Variants in TCF4 observed in about 807,000 individuals in gnomAD.
The protein encoded by TCF4 is SL3-3 enhancer factor 2.
Under a neutral mutation model 82.1 loss-of-function variants are expected in TCF4, and 3 were observed. The observed-to-expected ratio is 0.04, with a 90% CI of 0.02 to 0.09. The LOEUF is 0.09. TCF4 is among the 10% of genes least tolerant of loss of function. The pLI is 1.00. For missense variants in TCF4, 518 were observed against 852.7 expected, an observed-to-expected ratio of 0.61 and a Z score of 4.89; for synonymous variants, 276 against 309.6, an observed-to-expected ratio of 0.89 and a Z score of 1.14.
intron 5 of TCF4, among the ~76,000 whole-genome samples, chr18:55,455,362 T>A (rs920682822): frequency 1.3e-5 from 2 of 151,708 alleles, no homozygotes; most frequent in African/African-American, 4.8e-5. Flanking sequence ...TGTTAATATT[T>A]CAGGAGGGCA....
chr18:55,232,269 T>G (rs2048133647), intron 17 of TCF4: 1 of 482,386 alleles, frequency 2.1e-6, no homozygotes, highest in East Asian at 3.6e-5. Flanking sequence ...AGAGACAAAT[T>G]TTTTCACTGT....
intron 5 of TCF4, among the ~76,000 whole-genome samples, chr18:55,448,244 G>A (rs143545558): frequency 1.3e-5 from 2 of 152,298 alleles, no homozygotes; most frequent in East Asian, 1.9e-4. Context: ...CGTGTAGTGG[G>A]AGCACTTTAT....
At chr18:55,439,608 A>C (rs1192067575) in intron 5 of TCF4, among the ~76,000 whole-genome samples, 1 of 152,252 alleles carries the variant, frequency 6.6e-6, no homozygotes, top group East Asian at 1.9e-4. Flanking sequence ...CACCTAGGAC[A>C]CAAAAATCAT....
At chr18:55,578,535 T>A (rs2097549026) in intron 3 of TCF4, among the ~76,000 whole-genome samples, 1 of 152,126 alleles carries the variant, frequency 6.6e-6, no homozygotes, top group Non-Finnish European at 1.5e-5. Flanking sequence ...TACTTTGGGA[T>A]TCCCTGAGGA....
chr18:55,247,003 A>G (rs1386942557), intron 15 of TCF4, among the ~76,000 whole-genome samples: 3 of 152,200 alleles, frequency 2.0e-5, no homozygotes, highest in African/African-American at 7.2e-5. Context: ...GTTTGGTTCC[A>G]CCAGAGCAAG....
intron 8 of TCF4, among the ~76,000 whole-genome samples, chr18:55,311,571 C>T (rs1407972339): frequency 6.6e-6 from 1 of 152,204 alleles, no homozygotes; most frequent in Non-Finnish European, 1.5e-5. Flanking sequence ...AAACAATGTC[C>T]ATCTCGAGGA....
rs924900542 is a variant in TCF4, at chr18:55,395,851, G to A, written c.369+7603C>T. ...CATATTCCACCCCAGCCTTTTCACA[G>A]GAAATCCTCATTGGTTTTAAGGAAA... On this transcript the variant is annotated intron_variant, in intron 6 of 19. Coordinates refer to ENST00000354452, the MANE Select transcript of TCF4 (RefSeq NM_001083962.2). Among the ~76,000 whole-genome samples, 7 of 152,196 alleles carry A rather than the reference G, an allele frequency of 4.6e-5. No homozygotes were observed. In the South Asian group the frequency reaches 1.4e-3, roughly 31 times the overall value.
chr18:55,435,405 C>A (rs1035142377), intron 5 of TCF4, among the ~76,000 whole-genome samples: 4 of 152,184 alleles, frequency 2.6e-5, no homozygotes, highest in African/African-American at 9.7e-5. Flanking sequence ...ATACTTCTGA[C>A]CCATTTTCAA....
chr18:55,510,964 C>T (rs1222914135), intron 3 of TCF4, among the ~76,000 whole-genome samples: 6 of 152,132 alleles, frequency 3.9e-5, no homozygotes, highest in Non-Finnish European at 7.4e-5. Flanking sequence ...CTGGGAATCC[C>T]ACTGCAATAA....
At chr18:55,605,272 G>A (rs748863165) in intron 2 of TCF4, among the ~76,000 whole-genome samples, 2 of 152,216 alleles carry the variant, frequency 1.3e-5, no homozygotes, top group African/African-American at 2.4e-5. Context: ...AACAGCGTAT[G>A]TGTGTGAGCT....
chr18:55,508,147 C>T (rs1029989674), intron 3 of TCF4, among the ~76,000 whole-genome samples: 5 of 152,044 alleles, frequency 3.3e-5, no homozygotes, highest in Non-Finnish European at 7.4e-5. Flanking sequence ...CTTTCTCCCA[C>T]CCCCCACCAA....
chr18:55,422,334 G>C, intron 5 of TCF4: 1 of 985,094 alleles, frequency 1.0e-6, no homozygotes, highest in Non-Finnish European at 1.2e-6. Flanking sequence ...GCTGGGGCTT[G>C]GCTGTCCTAA....
intron 3 of TCF4, among the ~76,000 whole-genome samples, chr18:55,545,934 T>A (rs1204323455): frequency 6.6e-6 from 1 of 152,222 alleles, no homozygotes; most frequent in Non-Finnish European, 1.5e-5. Context: ...TTTTCCCCCA[T>A]AACTTAAGAG....
chr18:55,610,991 A>G (rs761542806), intron 2 of TCF4, among the ~76,000 whole-genome samples: 1 of 152,198 alleles, frequency 6.6e-6, no homozygotes, highest in Non-Finnish European at 1.5e-5. Context: ...GACACTTACC[A>G]ATTTCAAACA....
At position 55,475,437 on chromosome 18, in the gene TCF4, T is replaced by C. The variant is rs999201945; in HGVS notation, c.146-11300A>G. On this transcript the variant is annotated intron_variant, in intron 3 of 19. Transcript: ENST00000354452. ...CTGCCCCTCATGTGCTATGCCAATT[T>C]TGATCACCTGGTCAAAGTGGCATGC... Among the ~76,000 whole-genome samples, 3 of 152,190 alleles carry C rather than the reference T, an allele frequency of 2.0e-5. No individual in the cohort carries two copies. The South Asian group carries it at 6.2e-4, about 31-fold the overall frequency.
chr18:55,560,596 T>C (rs754196437), intron 3 of TCF4, among the ~76,000 whole-genome samples: 1 of 152,142 alleles, frequency 6.6e-6, no homozygotes, highest in Non-Finnish European at 1.5e-5. Context: ...AACTGACATA[T>C]GTGGACATCT....
At chr18:55,401,749 T>G (rs1015970879) in intron 6 of TCF4, 2 of 985,848 alleles carry the variant, frequency 2.0e-6, no homozygotes, top group African/African-American at 3.5e-5. Context: ...AGAGGAAATC[T>G]TTGTGTCTGT....
At chr18:55,312,942 C>T (rs1226550017) in intron 8 of TCF4, among the ~76,000 whole-genome samples, 1 of 152,102 alleles carries the variant, frequency 6.6e-6, no homozygotes, top group Non-Finnish European at 1.5e-5. Context: ...TCACAGCTGT[C>T]ATGAGTTGAA....
At position 55,581,353 on chromosome 18, in the gene TCF4, T is replaced by A. The variant is rs552862304; in HGVS notation, c.145+3927A>T. ...TGGGCCTCAGTTTTCTTTGCCTGTATAATGAAGGCACTGGGCAACATTTCT... is the reference window on the plus strand; with the variant it reads ...TGGGCCTCAGTTTTCTTTGCCTGTAAAATGAAGGCACTGGGCAACATTTCT... On this transcript the variant is annotated intron_variant, in intron 3 of 19. Coordinates refer to ENST00000354452, the MANE Select transcript of TCF4 (RefSeq NM_001083962.2). 5.9e-5 allele frequency among the ~76,000 whole-genome samples: 9 copies of A among 152,208 alleles called. No individual in the cohort carries two copies. The East Asian group carries it at 1.7e-3, about 29-fold the overall frequency.
Sources: gnomAD v4.1 joint callset for allele counts (sites outside exome capture counted in the v4.1 genomes callset) on GRCh38, gnomAD v4.1.1 for gene constraint, MANE v1.5 for transcripts, NCBI Gene and HGNC (gene_info 2026-07-23, HGNC 2026-07-21) for gene names.